Variants in TSC22D1 observed in about 807,000 individuals in gnomAD.
TSC22D1 encodes the protein TSC22 domain family member 1.
In TSC22D1, 9 loss-of-function variants were observed where a neutral mutation model predicts 74.2. The ratio of observed to expected loss-of-function variants is 0.12; its 90% CI spans 0.07 to 0.21. TSC22D1 has a LOEUF of 0.21. Ranked by LOEUF, TSC22D1 falls within the 10% of genes least tolerant of loss-of-function variation. The pLI is 1.00. For missense variants in TSC22D1, 1,427 were observed against 1,304.7 expected (o/e 1.09, Z -1.44); for synonymous variants, 586 against 492.5 (o/e 1.19, Z -2.51).
At chr13:44,473,974 G>T (rs1430227017) in intron 1 of TSC22D1, among the ~76,000 whole-genome samples, 5 of 152,258 alleles carry the variant, frequency 3.3e-5, no homozygotes, top group South Asian at 4.1e-4. Flanking sequence ...ATTCATCTCA[G>T]TTAACCAGTA....
chr13:44,537,268 TC>T (rs1377929965), intron 1 of TSC22D1: 1 of 958,396 alleles, frequency 1.0e-6, no homozygotes, highest in African/African-American at 1.8e-5. Flanking sequence ...AAAGGTAAAT[TC>T]ACCAAAATAA....
At chr13:44,571,930 G>T (rs1883795105) in intron 1 of TSC22D1, among the ~76,000 whole-genome samples, 1 of 151,914 alleles carries the variant, frequency 6.6e-6, no homozygotes, top group Admixed American at 6.6e-5. Context: ...TGAAACATTT[G>T]ACCTGTTTTC....
intron 1 of TSC22D1, among the ~76,000 whole-genome samples, chr13:44,442,148 A>G (rs1415447669): frequency 2.0e-5 from 3 of 152,210 alleles, no homozygotes; most frequent in African/African-American, 7.2e-5. Context: ...TCCTACATAA[A>G]GCAGTTTAAA....
rs1046310033 is a variant in TSC22D1 at position 44,485,922 on chromosome 13, AG to A, written c.2913-49828del. On this transcript the variant is annotated intron_variant, in intron 1 of 2. Transcript: ENST00000458659. The stretch of plus-strand genomic sequence containing the variant: ...GTTGTAAGGCTTCTGTATTTTTTCA[AG>A]GGGGATGGGTTTTTAAATATGGAAT... 5.9e-5 allele frequency among the ~76,000 whole-genome samples: 9 copies of A among 152,060 alleles called. No individual in the cohort carries two copies. In the East Asian group the frequency reaches 1.7e-3, roughly 29 times the overall value.
At chr13:44,485,846 T>C (rs1334337082) in intron 1 of TSC22D1, among the ~76,000 whole-genome samples, 5 of 152,030 alleles carry the variant, frequency 3.3e-5, no homozygotes, top group African/African-American at 1.2e-4. Context: ...GATAAGAGTA[T>C]CAAATAAATT....
upstream of TSC22D1, chr13:44,577,050 T>C (rs1407252753): frequency 6.6e-6 from 1 of 152,448 alleles, no homozygotes; most frequent in Non-Finnish European, 1.5e-5. Flanking sequence ...AGCCGGCTCT[T>C]CCTCACCCCG....
intron 1 of TSC22D1, among the ~76,000 whole-genome samples, chr13:44,509,803 T>C (rs547212144): frequency 6.6e-6 from 1 of 152,022 alleles, no homozygotes; most frequent in Non-Finnish European, 1.5e-5. Context: ...ATCTATTAAA[T>C]TGAAGATGCA....
At chr13:44,526,272 C>G (rs150833352) in intron 1 of TSC22D1, among the ~76,000 whole-genome samples, 17 of 151,784 alleles carry the variant, frequency 1.1e-4, no homozygotes, top group African/African-American at 3.9e-4. Context: ...GCTAAGGGCT[C>G]TAGTGGAAAA....
At chr13:44,477,813 T>G (rs564157425) in intron 1 of TSC22D1, among the ~76,000 whole-genome samples, 1 of 152,152 alleles carries the variant, frequency 6.6e-6, no homozygotes, top group South Asian at 2.1e-4. Context: ...TGGCTAATTT[T>G]TGTATTTTTA....
intron 1 of TSC22D1, among the ~76,000 whole-genome samples, chr13:44,509,118 A>G (rs1879567497): frequency 6.6e-6 from 1 of 152,152 alleles, no homozygotes; most frequent in Non-Finnish European, 1.5e-5. Context: ...TCTCAACTTT[A>G]CCCAGTGCGC....
At chr13:44,467,561 C>G (rs886203938) in intron 1 of TSC22D1, among the ~76,000 whole-genome samples, 9 of 151,902 alleles carry the variant, frequency 5.9e-5, no homozygotes, top group African/African-American at 2.2e-4. Flanking sequence ...AAAAAAATAA[C>G]TCCGTTAAAA....
chr13:44,555,140 A>C (rs1276966136), intron 1 of TSC22D1, among the ~76,000 whole-genome samples: 1 of 152,028 alleles, frequency 6.6e-6, no homozygotes, highest in African/African-American at 2.4e-5. Context: ...AAAAATCCAA[A>C]GTTGATCTTA....
chr13:44,573,305 A>G lies in TSC22D1; in HGVS notation c.2770T>C (p.Leu924=), dbSNP rs756998949. The G allele has an allele frequency of 3.1e-6, 5 of 1,614,236 alleles. No individual in the cohort carries two copies. The Admixed American group carries it at 8.3e-5, about 27-fold the overall frequency. Residue 924 remains leucine (L), a synonymous_variant, in exon 1 of 3, where the codon TTA becomes CTA. Coordinates refer to ENST00000458659, the MANE Select transcript of TSC22D1 (RefSeq NM_183422.4). ...CTGTCACCACTGATAGTCTGAGGTA[A>G]GCCAACTAAGGAGGGCTCCGCTGCA... ...RRAAEPSLVG[L]PQTISGDSGG... is the part of the protein sequence containing the mutation.
intron 2 of TSC22D1, 170 bp downstream of exon 2, chr13:44,435,874 C>T: frequency 1.4e-6 from 1 of 712,008 alleles, no homozygotes; most frequent in Admixed American, 2.3e-5. Context: ...CCCTCCACGG[C>T]TGCCGTGGTA....
rs941714781 is a variant in TSC22D1, at chr13:44,434,485, G to C, written c.*141C>G. 1 of 1,393,060 alleles carries C rather than the reference G, an allele frequency of 7.2e-7. No homozygotes were observed. The highest frequency in any genetic ancestry group is 9.3e-7 in the Non-Finnish European group (1 of 1,079,162). 86.3% of individuals were successfully genotyped at this position (1,393,060 alleles called of 1,614,324 possible). On this transcript the variant is annotated 3_prime_UTR_variant, in exon 3 of 3. Transcript: ENST00000458659. ...CATATGAGTGTTTAATACTGGAAAAGAGATAATGGCATATGTCAGTCTCAC... is the reference window on the plus strand; with the variant it reads ...CATATGAGTGTTTAATACTGGAAAACAGATAATGGCATATGTCAGTCTCAC...
chr13:44,471,131 AG>A (rs1195234376), intron 1 of TSC22D1, among the ~76,000 whole-genome samples: 7 of 152,238 alleles, frequency 4.6e-5, no homozygotes, highest in Admixed American at 4.6e-4. Flanking sequence ...CAAAGCAAAA[AG>A]AATCTACAAA....
chr13:44,568,366 C>A (rs1318657613), intron 1 of TSC22D1, among the ~76,000 whole-genome samples: 1 of 152,014 alleles, frequency 6.6e-6, no homozygotes, highest in Non-Finnish European at 1.5e-5. Flanking sequence ...TAAGAGGCAT[C>A]TGATGAAAAG....
At chr13:44,563,180 T>C (rs1883160035) in intron 1 of TSC22D1, among the ~76,000 whole-genome samples, 1 of 152,172 alleles carries the variant, frequency 6.6e-6, no homozygotes, top group Non-Finnish European at 1.5e-5. Flanking sequence ...CCTTTAAAAC[T>C]GAGGCTGGGT....
At position 44,575,132 on chromosome 13, in the gene TSC22D1, T is replaced by C. The variant is rs1295285947; in HGVS notation, c.943A>G (p.Asn315Asp). 1 of 1,614,046 alleles carries C rather than the reference T, an allele frequency of 6.2e-7. No individual in the cohort carries two copies. Among genetic ancestry groups the C allele is most frequent in the Non-Finnish European group, 8.5e-7 (1 of 1,180,000 alleles). Residue 315 changes from asparagine to aspartate, a missense_variant, in exon 1 of 3, where the codon AAT (asparagine) becomes GAT (aspartate). Asn to Asp is a conservative substitution (Grantham distance 23). Transcript: ENST00000458659. ...CTACCCACAGCAGTAATGTTAACAT[T>C]ATTTACTGTACTAGTGCCAGTAACA... ...NSVTGTSTVN[N>D]VNITAVGSFN...
Sources: gnomAD v4.1 joint callset for allele counts (sites outside exome capture counted in the v4.1 genomes callset) on GRCh38, gnomAD v4.1.1 for gene constraint, MANE v1.5 for transcripts, NCBI Gene and HGNC (gene_info 2026-07-23, HGNC 2026-07-21) for gene names.